Variants in GDF5 observed in about 807,000 individuals in gnomAD.
GDF5 encodes growth/differentiation factor 5.
GDF5 carries 17 observed loss-of-function variants against 34.6 expected under a neutral mutation model. That is an observed-to-expected ratio of 0.49 (90% CI 0.34 to 0.74). GDF5 has a LOEUF of 0.74. Ranked by LOEUF, GDF5 falls within the 30% of genes least tolerant of loss-of-function variation. The pLI is 0.01. For missense variants in GDF5, 616 were observed against 661.2 expected (o/e 0.93, Z 0.75); for synonymous variants, 332 against 290.7 (o/e 1.14, Z -1.44).
At chr20:35,435,603 G>A (rs764835888) in intron 1 of GDF5, among the ~76,000 whole-genome samples, 13 of 150,636 alleles carry the variant, frequency 8.6e-5, no homozygotes, top group Admixed American at 2.7e-4. Context: ...TGGTGCTCTT[G>A]TTATGCAGAT....
intron 1 of GDF5, among the ~76,000 whole-genome samples, chr20:35,447,716 T>C (rs2062518343): frequency 6.6e-6 from 1 of 152,192 alleles, no homozygotes; most frequent in South Asian, 2.1e-4. Flanking sequence ...AGAAAATATT[T>C]TCCTCCCACC....
Position 35,437,941 on chromosome 20 carries a change from C to T in GDF5, c.-13G>A, listed in dbSNP as rs547280273. 3.4e-5 allele frequency: 55 copies of T among 1,613,880 alleles called. No individual in the cohort carries two copies. In the East Asian group the frequency reaches 9.8e-4, roughly 29 times the overall value. On this transcript the variant is annotated 5_prime_UTR_variant, in exon 1 of 2. Coordinates refer to ENST00000374369, the MANE Select transcript of GDF5 (RefSeq NM_000557.5). ...TGGGGAGTCTCATCCTCTGGCCAGC[C>T]GCTGAATGACACCAAAGAGAACAGC...
intron 1 of GDF5, among the ~76,000 whole-genome samples, chr20:35,445,201 C>G (rs1488010314): frequency 6.6e-6 from 1 of 152,154 alleles, no homozygotes; most frequent in Non-Finnish European, 1.5e-5. Flanking sequence ...TCAGTTTCCT[C>G]ATGTATAAAA....
upstream of GDF5, among the ~76,000 whole-genome samples, chr20:35,441,073 C>T (rs1051551317): frequency 6.6e-6 from 1 of 152,176 alleles, no homozygotes; most frequent in Non-Finnish European, 1.5e-5. Flanking sequence ...ATGAGTTGAA[C>T]AACCACAATG....
At chr20:35,451,042 GAAAAAAAAAAAAAAA>G (rs1157980088) in intron 1 of GDF5, among the ~76,000 whole-genome samples, 1,123 of 13,938 alleles carry the variant, frequency 0.081, 63 homozygotes, top group Middle Eastern at 0.25. Flanking sequence ...TAGACTAACA[GAAAAAAAAAAAAAAA>G]AAAAAAAATA....
At chr20:35,438,958 C>T (rs2062488103), upstream of GDF5, among the ~76,000 whole-genome samples, 1 of 151,388 alleles carries the variant, frequency 6.6e-6, no homozygotes, top group Admixed American at 6.6e-5. Flanking sequence ...CCCACATTTT[C>T]TTTTATTTTA....
chr20:35,446,322 CA>C (rs919016938), intron 1 of GDF5, among the ~76,000 whole-genome samples: 3 of 148,760 alleles, frequency 2.0e-5, no homozygotes, highest in Admixed American at 2.0e-4. Flanking sequence ...AAAACAACAA[CA>C]AAAAAAAACT....
chr20:35,436,950 G>A (rs1330647688), intron 1 of GDF5, among the ~76,000 whole-genome samples: 1 of 152,232 alleles, frequency 6.6e-6, no homozygotes, highest in Non-Finnish European at 1.5e-5. Context: ...AGCTTGGAAA[G>A]TTCGGCCAGC....
At chr20:35,441,895 T>A (rs2062499063), upstream of GDF5, among the ~76,000 whole-genome samples, 1 of 151,990 alleles carries the variant, frequency 6.6e-6, no homozygotes, top group African/African-American at 2.4e-5. Context: ...GACAGGGTCT[T>A]ACCTGTTGCC....
intron 1 of GDF5, chr20:35,435,149 G>A (rs2062466159): frequency 1.8e-6 from 1 of 553,900 alleles, no homozygotes. Context: ...GGTGGAGTGA[G>A]CATTAAAATT....
chr20:35,442,855 C>T (rs952331077), upstream of GDF5, among the ~76,000 whole-genome samples: 13 of 152,032 alleles, frequency 8.6e-5, no homozygotes, highest in African/African-American at 3.1e-4. Context: ...CCAATACTCT[C>T]ATTTTAAAGA....
At position 35,433,824 on chromosome 20, in the gene GDF5, C is replaced by A. The variant is rs747388042; in HGVS notation, c.*85G>T. On this transcript the variant is annotated 3_prime_UTR_variant, in exon 2 of 2. Coordinates refer to ENST00000374369, the MANE Select transcript of GDF5 (RefSeq NM_000557.5). ...CCAAGCTGTGTAGATGCTCCTGCCA[C>A]AGCTTCCTGACCCCTCTGTGATTCC... 2 of 1,159,678 alleles carry A rather than the reference C, an allele frequency of 1.7e-6. No individual in the cohort carries two copies. The highest frequency in any genetic ancestry group is 2.6e-6 in the Non-Finnish European group (2 of 767,880). 71.8% of individuals were successfully genotyped at this position (1,159,678 alleles called of 1,614,324 possible).
chr20:35,446,323 A>C (rs1487712089), intron 1 of GDF5, among the ~76,000 whole-genome samples: 3 of 151,596 alleles, frequency 2.0e-5, no homozygotes, highest in African/African-American at 4.8e-5. Context: ...AAACAACAAC[A>C]AAAAAAAACT....
chr20:35,437,281 C>A lies in GDF5; in HGVS notation c.631+17G>T. 1 of 1,580,694 alleles carries A rather than the reference C, an allele frequency of 6.3e-7. No individual in the cohort carries two copies. The highest frequency in any genetic ancestry group is 8.7e-7 in the Non-Finnish European group (1 of 1,153,230). The stretch of plus-strand genomic sequence containing the variant: ...CCCCTCCCTCTGAGCCGTGCCCCTG[C>A]CACCCCGCCCCCTCACCTTGCCCTT... On this transcript the variant is annotated intron_variant, in intron 1 of 1. Coordinates refer to ENST00000374369, the MANE Select transcript of GDF5 (RefSeq NM_000557.5).
intron 1 of GDF5, among the ~76,000 whole-genome samples, chr20:35,448,448 CTTTTTT>C (rs34209210): frequency 3.5e-5 from 3 of 86,748 alleles, no homozygotes; most frequent in Non-Finnish European, 5.7e-5. Flanking sequence ...GCCCCCCCGA[CTTTTTT>C]TTTTTTTTTT....
chr20:35,449,346 G>A (rs1254466158), intron 1 of GDF5, among the ~76,000 whole-genome samples: 1 of 151,802 alleles, frequency 6.6e-6, no homozygotes, highest in East Asian at 1.9e-4. Flanking sequence ...CTTGAACACA[G>A]CTCACTGCAG....
intron 1 of GDF5, chr20:35,435,575 A>C (rs2062469024): frequency 6.7e-6 from 1 of 149,386 alleles, no homozygotes; most frequent in South Asian, 2.1e-4. Context: ...TGCTTCCACC[A>C]TCCCTTAAAG....
At chr20:35,438,859 G>A (rs371901175), upstream of GDF5, among the ~76,000 whole-genome samples, 1 of 12,110 alleles carries the variant, frequency 8.3e-5, no homozygotes, top group African/African-American at 2.8e-4. Context: ...GTGTGTGTGT[G>A]TTTATGTGCC....
intron 1 of GDF5, among the ~76,000 whole-genome samples, chr20:35,451,051 A>AT (rs1483469021): frequency 7.8e-5 from 3 of 38,658 alleles, no homozygotes; most frequent in African/African-American, 2.5e-4. Flanking sequence ...AGAAAAAAAA[A>AT]AAAAAAAAAA....
Sources: allele counts gnomAD v4.1 joint callset (sites outside exome capture counted in the v4.1 genomes callset), GRCh38; gene constraint gnomAD v4.1.1; transcripts MANE v1.5; gene names NCBI Gene and HGNC (gene_info 2026-07-23, HGNC 2026-07-21).